MAGT1: variants seen among roughly 807,000 people sequenced by gnomAD.
MAGT1 encodes magnesium transporter 1, also known as dolichyl-diphosphooligosaccharide--protein glycosyltransferase subunit MAGT1.
A neutral mutation model predicts 28.4 loss-of-function variants in MAGT1; 4 were observed. The observed-to-expected ratio is 0.14, with a 90% CI of 0.07 to 0.32. The LOEUF (loss-of-function observed/expected upper bound fraction) is 0.32, where lower values mean the gene tolerates loss of function less well. MAGT1 is among the 10% of genes least tolerant of loss of function. MAGT1 has a pLI of 1.00. For synonymous variants in MAGT1, 89 were observed against 89.7 expected (o/e 0.99, Z 0.04); for missense variants, 193 against 264.5 (o/e 0.73, Z 1.88).
intron 1 of MAGT1, among the ~76,000 whole-genome samples, chrX:77,888,430 G>A (rs2077073012): frequency 9.0e-6 from 1 of 111,135 alleles, no homozygotes; most frequent in African/African-American, 3.3e-5. Context: ...CTACTAGAAG[G>A]CAATGTCTCT....
chrX:77,839,797 G>A (rs1221741551), intron 8 of MAGT1, among the ~76,000 whole-genome samples: 6 of 109,287 alleles, frequency 5.5e-5, no homozygotes, highest in East Asian at 5.9e-4. Context: ...GTGAGCCACC[G>A]CGTCTGGCCA....
At chrX:77,831,478 A>G (rs1201283376) in intron 8 of MAGT1, among the ~76,000 whole-genome samples, 1 of 111,970 alleles carries the variant, frequency 8.9e-6, no homozygotes, top group African/African-American at 3.2e-5. Flanking sequence ...TTACATAATT[A>G]TGCAATTCAA....
intron 1 of MAGT1, among the ~76,000 whole-genome samples, chrX:77,883,553 CTTTTTTTTTTTTT>C (rs1166624171): frequency 1.6e-5 from 1 of 61,710 alleles, no homozygotes; most frequent in Non-Finnish European, 3.1e-5. Flanking sequence ...AATTCATTTT[CTTTTTTTTTTTTT>C]TTTTTTTTTG....
chrX:77,875,389 A>ATGAGTT (rs1557217696), intron 2 of MAGT1, 39 bp downstream of exon 2: 2 of 1,181,251 alleles, frequency 1.7e-6, no homozygotes. Context: ...TTAACGTTAT[A>ATGAGTT]TGAGTTATTT....
At chrX:77,889,648 GGT>G (rs1220736691) in intron 1 of MAGT1, among the ~76,000 whole-genome samples, 1 of 110,401 alleles carries the variant, frequency 9.1e-6, no homozygotes, top group Non-Finnish European at 1.9e-5. Context: ...CAGGATTATA[GGT>G]GTGAGCCACT....
intron 1 of MAGT1, among the ~76,000 whole-genome samples, chrX:77,882,212 G>A (rs1423255440): frequency 9.0e-6 from 1 of 111,713 alleles, no homozygotes; most frequent in Non-Finnish European, 1.9e-5. Context: ...ACAAAAACTG[G>A]AAGCATTCCC....
At chrX:77,889,194 T>C (rs782241234) in intron 1 of MAGT1, among the ~76,000 whole-genome samples, 106 of 97,929 alleles carry the variant, frequency 1.1e-3, no homozygotes, top group African/African-American at 3.8e-3. Flanking sequence ...TTGCCCAGGC[T>C]GATCTCAAAC....
intron 3 of MAGT1, among the ~76,000 whole-genome samples, chrX:77,867,650 T>C (rs1557216992): frequency 1.5e-5 from 1 of 66,195 alleles, no homozygotes; most frequent in East Asian, 4.6e-4. Context: ...CAGGGCAACA[T>C]AGCAAGACCC....
chrX:77,851,218 C>CT (rs1325694083), intron 7 of MAGT1, among the ~76,000 whole-genome samples: 2 of 106,274 alleles, frequency 1.9e-5, no homozygotes, highest in East Asian at 3.0e-4. Context: ...CATTGTCTTT[C>CT]TTTTTTTTTC....
At chrX:77,894,934 C>T (rs181898182) in intron 1 of MAGT1, among the ~76,000 whole-genome samples, 1 of 111,795 alleles carries the variant, frequency 8.9e-6, no homozygotes, top group Non-Finnish European at 1.9e-5. Context: ...AACTCTTACA[C>T]ATCATTCAGG....
chrX:77,881,405 T>TCCCTCC (rs1490724767), intron 1 of MAGT1, among the ~76,000 whole-genome samples: 1 of 98,488 alleles, frequency 1.0e-5, no homozygotes, highest in African/African-American at 3.7e-5. Flanking sequence ...CCTAATGCTA[T>TCCCTCC]CCCTCCCCCT....
Position 77,888,271 on chromosome X carries a change from G to A in MAGT1, c.102+7038C>T, listed in dbSNP as rs112188891. ...ATTTATTTCCCTCCTTCTCCTTGGC[G>A]TACATTAGTCTATTTTCTACCATTC... is the stretch of plus-strand genomic sequence containing the variant. On this transcript the variant is annotated intron_variant, in intron 1 of 9. Transcript: ENST00000618282. 3.0e-3 allele frequency among the ~76,000 whole-genome samples: 329 copies of A among 111,179 alleles called. 4 individuals carry two copies. Among genetic ancestry groups the A allele is most frequent in the African/African-American group, 0.01 (308 of 30,613 alleles).
intron 8 of MAGT1, among the ~76,000 whole-genome samples, chrX:77,835,134 T>A (rs2076912632): frequency 9.2e-6 from 1 of 108,484 alleles, no homozygotes; most frequent in Non-Finnish European, 1.9e-5. Context: ...TTTTTTGTAT[T>A]TTTTTTCAGT....
intron 3 of MAGT1, among the ~76,000 whole-genome samples, chrX:77,870,221 T>C (rs991480630): frequency 2.7e-5 from 3 of 110,322 alleles, no homozygotes; most frequent in South Asian, 3.9e-4. Flanking sequence ...AGGCATAAGA[T>C]TGATATAATG....
intron 7 of MAGT1, among the ~76,000 whole-genome samples, chrX:77,847,488 G>C (rs1371481397): frequency 8.9e-6 from 1 of 112,251 alleles, no homozygotes; most frequent in African/African-American, 3.2e-5. Flanking sequence ...CAGTACCTCA[G>C]TTGGAAATGC....
At chrX:77,892,074 T>C (rs1443251420) in intron 1 of MAGT1, among the ~76,000 whole-genome samples, 13 of 110,808 alleles carry the variant, frequency 1.2e-4, no homozygotes, top group Admixed American at 1.2e-3. Context: ...TTTGTATTTT[T>C]AGTAGAGACG....
chrX:77,870,769 T>C (rs2077018585), intron 3 of MAGT1, 39 bp downstream of exon 3: 1 of 900,650 alleles, frequency 1.1e-6, no homozygotes, highest in Non-Finnish European at 1.6e-6. Context: ...CACTATATTT[T>C]ACCTATTTTT....
intron 7 of MAGT1, among the ~76,000 whole-genome samples, chrX:77,848,222 A>G (rs1009999703): frequency 5.3e-5 from 6 of 112,700 alleles, no homozygotes; most frequent in Non-Finnish European, 7.5e-5. Context: ...TCCTACCATG[A>G]AGAAGATTAC....
intron 1 of MAGT1, among the ~76,000 whole-genome samples, chrX:77,879,274 C>A (rs782637763): frequency 1.8e-5 from 2 of 111,503 alleles, no homozygotes; most frequent in Admixed American, 9.6e-5. Context: ...CCAGGCTGGT[C>A]TGGAACTCTT....
Sources: gnomAD v4.1 joint callset for allele counts (sites outside exome capture counted in the v4.1 genomes callset) on GRCh38, gnomAD v4.1.1 for gene constraint, MANE v1.5 for transcripts, NCBI Gene and HGNC (gene_info 2026-07-23, HGNC 2026-07-21) for gene names.